PDGFRA: variants seen among roughly 807,000 people sequenced by gnomAD.
PDGFRA encodes platelet derived growth factor receptor alpha.
A neutral mutation model predicts 121.5 loss-of-function variants in PDGFRA; 25 were observed. The ratio of observed to expected loss-of-function variants is 0.21; its 90% CI spans 0.15 to 0.29. The LOEUF is 0.29. Among genes scored for constraint, PDGFRA ranks in the 10% least tolerant of loss-of-function variants. PDGFRA has a pLI of 1.00. For missense variants in PDGFRA, 1,008 were observed against 1,345.1 expected, an observed-to-expected ratio of 0.75 and a Z score of 3.92; for synonymous variants, 463 against 494.8, an observed-to-expected ratio of 0.94 and a Z score of 0.85.
In PDGFRA at chr4:54,277,875, T is replaced by C. The variant is rs369052620; in HGVS notation, c.1892-21T>C. The C allele has an allele frequency of 5.9e-6, 9 of 1,518,772 alleles. No homozygotes were observed. In the Admixed American group the frequency reaches 8.4e-5, roughly 14 times the overall value. 94.1% of individuals were successfully genotyped at this position (1,518,772 alleles called of 1,614,324 possible). ...AGTTGGTAGCTCAGCTGGACTGATA[T>C]GTGATTTATTCTTTCAACAGCCACG... On this transcript the variant is annotated intron_variant, in intron 13 of 22. Coordinates refer to ENST00000257290, the MANE Select transcript of PDGFRA (RefSeq NM_006206.6).
At chr4:54,251,451 A>G (rs1045544734) in intron 1 of PDGFRA, among the ~76,000 whole-genome samples, 3 of 152,212 alleles carry the variant, frequency 2.0e-5, no homozygotes, top group African/African-American at 4.8e-5. Context: ...AACTAATAGC[A>G]ATATAGTTAT....
chr4:54,280,621 A>G lies in PDGFRA; in HGVS notation c.2323+139A>G, dbSNP rs1484767156. The G allele has an allele frequency of 7.2e-6, 5 of 692,182 alleles. No individual in the cohort carries two copies. In the East Asian group the frequency reaches 1.4e-4, roughly 19 times the overall value. The allele number at this position is 692,182 out of a possible 1,614,324, so 42.9% of individuals were successfully genotyped here. A position where few individuals can be genotyped will look rare whatever the true frequency, so the allele number is the denominator to read the frequency against. ...TGGTCTCTAAATGCAGGTCTGCACA[A>G]CCAGTTCTGTGACATGTTTCCAGGT... On this transcript the variant is annotated intron_variant, in intron 16 of 22. Transcript: ENST00000257290.
intron 1 of PDGFRA, among the ~76,000 whole-genome samples, chr4:54,232,069 G>C (rs1438685613): frequency 6.6e-6 from 1 of 152,256 alleles, no homozygotes; most frequent in Non-Finnish European, 1.5e-5. Flanking sequence ...CCACAGGGAA[G>C]TACTCCCTTT....
intron 16 of PDGFRA, among the ~76,000 whole-genome samples, chr4:54,282,799 A>G (rs1204024181): frequency 6.6e-6 from 1 of 152,216 alleles, no homozygotes; most frequent in Non-Finnish European, 1.5e-5. Context: ...AGAACAAGTT[A>G]TTTACTTTCA....
At chr4:54,245,228 A>T (rs959624187) in intron 1 of PDGFRA, among the ~76,000 whole-genome samples, 9 of 152,164 alleles carry the variant, frequency 5.9e-5, no homozygotes, top group Admixed American at 1.3e-4. Flanking sequence ...CGCCACAAAG[A>T]TACTCCTCGA....
chr4:54,234,390 T>C (rs913220590), intron 1 of PDGFRA, among the ~76,000 whole-genome samples: 5 of 152,238 alleles, frequency 3.3e-5, no homozygotes, highest in African/African-American at 9.6e-5. Flanking sequence ...GGCGTCTGTG[T>C]CGCAACCCGT....
At chr4:54,293,907 T>TTGTGTGTGTG (rs71200381) in intron 22 of PDGFRA, among the ~76,000 whole-genome samples, 6,217 of 142,454 alleles carry the variant, frequency 0.044, 192 homozygotes, top group African/African-American at 0.069. Flanking sequence ...TCCAAGTTGC[T>TTGTGTGTGTG]TGTGTGTGTG....
At chr4:54,273,469 C>A in intron 9 of PDGFRA, 68 bp from the exon 10 acceptor site, 1 of 1,239,100 alleles carries the variant, frequency 8.1e-7, no homozygotes, top group Non-Finnish European at 1.2e-6. Context: ...TTAGAGTGTT[C>A]CCGTGGCTCC....
chr4:54,267,131 TG>T (rs1238783801), intron 5 of PDGFRA, among the ~76,000 whole-genome samples, 157 bp from the exon 6 acceptor site: 1 of 152,146 alleles, frequency 6.6e-6, no homozygotes, highest in Non-Finnish European at 1.5e-5. Flanking sequence ...CCCACACATG[TG>T]TAGCCTCCCA....
intron 2 of PDGFRA, 22 bp from the exon 3 acceptor site, chr4:54,261,073 C>G (rs1274871972): frequency 1.9e-6 from 3 of 1,609,082 alleles, no homozygotes; most frequent in Non-Finnish European, 2.6e-6. Flanking sequence ...GCATCCTATT[C>G]AGAGCGTGCT....
At chr4:54,293,907 TTGTGTG>T (rs71200381) in intron 22 of PDGFRA, among the ~76,000 whole-genome samples, 179 of 142,558 alleles carry the variant, frequency 1.3e-3, no homozygotes, top group African/African-American at 3.1e-3. Context: ...TCCAAGTTGC[TTGTGTG>T]TGTGTGTGTG....
intron 5 of PDGFRA, among the ~76,000 whole-genome samples, chr4:54,265,823 AG>A (rs1182708825): frequency 1.3e-5 from 2 of 152,212 alleles, no homozygotes; most frequent in Admixed American, 1.3e-4. Context: ...ATTCTTATGG[AG>A]AACAAAAACG....
chr4:54,240,746 C>T (rs1279128459), intron 1 of PDGFRA, among the ~76,000 whole-genome samples: 2 of 152,108 alleles, frequency 1.3e-5, no homozygotes, highest in Non-Finnish European at 2.9e-5. Context: ...CACTAGGGTG[C>T]CTTTTAGGCA....
chr4:54,274,816 A>C (rs747220546), intron 11 of PDGFRA, 25 bp from the exon 12 acceptor site: 5 of 1,613,958 alleles, frequency 3.1e-6, no homozygotes, highest in Non-Finnish European at 4.2e-6. Context: ...GTAATTCACC[A>C]GTTACCTGTC....
rs1440737990 is a variant in PDGFRA, at chr4:54,245,602, C to A, written c.-12-13155C>A. On this transcript the variant is annotated intron_variant, in intron 1 of 22. Coordinates refer to ENST00000257290, the MANE Select transcript of PDGFRA (RefSeq NM_006206.6). The stretch of plus-strand genomic sequence containing the variant: ...AAGGAACAACCGGTACCAGCCACTG[C>A]AAAATCATGCCAAATTGTAAAGACC... 5.3e-5 allele frequency among the ~76,000 whole-genome samples: 8 copies of A among 152,186 alleles called. No homozygotes were observed. In the East Asian group the frequency reaches 1.2e-3, roughly 22 times the overall value.
Position 54,252,410 on chromosome 4 carries a change from CT to C in PDGFRA, c.-12-6343del, listed in dbSNP as rs199763098. 7.6e-3 allele frequency among the ~76,000 whole-genome samples: 1,154 copies of C among 152,236 alleles called. 17 individuals are homozygous for C. The highest frequency in any genetic ancestry group is 0.026 in the African/African-American group (1,091 of 41,544). On this transcript the variant is annotated intron_variant, in intron 1 of 22. Transcript: ENST00000257290. ...CACTTATTAATCTTCCAGATTTCAC[CT>C]TTTGTCAGAACTCAGAGTTATGATT...
rs1171641135 is a variant in PDGFRA, at chr4:54,280,444, A to G, written c.2285A>G (p.Tyr762Cys). The change falls in exon 16 of 23, where the codon TAT becomes TGT. Residue 762 changes from tyrosine (Y) to cysteine (C), a missense_variant. By Grantham distance (194) the Tyr-to-Cys change is radical. This residue lies in a region of PDGFRA where 128 missense variants were observed against 147.6 expected (regional missense o/e 0.87). Coordinates refer to ENST00000257290, the MANE Select transcript of PDGFRA (RefSeq NM_006206.6). ...SKYSDIQRSL[Y>C]DRPASYKKKS... ...TATTCCGACATCCAGAGATCACTCT[A>G]TGATCGTCCAGCCTCATATAAGAAG... The G allele has an allele frequency of 9.3e-6, 15 of 1,613,742 alleles. No homozygotes were observed. Among genetic ancestry groups the G allele is most frequent in the East Asian group, 2.2e-5 (1 of 44,870 alleles).
intron 5 of PDGFRA, 67 bp from the exon 6 acceptor site, chr4:54,267,222 T>G: frequency 7.0e-7 from 1 of 1,436,966 alleles, no homozygotes; most frequent in Non-Finnish European, 9.8e-7. Context: ...GAGTCCATAG[T>G]TTATCTTAGA....
chr4:54,287,489 A>C lies in PDGFRA; in HGVS notation c.2622A>C (p.Thr874=). 1 of 1,572,216 alleles carries C rather than the reference A, an allele frequency of 6.4e-7. No homozygotes were observed. Among genetic ancestry groups the C allele is most frequent in the Non-Finnish European group, 8.8e-7 (1 of 1,141,874 alleles). The change falls in exon 19 of 23, where the codon ACA becomes ACC. Residue 874 remains threonine (T), a synonymous_variant. Coordinates refer to ENST00000257290, the MANE Select transcript of PDGFRA (RefSeq NM_006206.6). ...PESIFDNLYT[T]LSDVWSYGIL... is the part of the protein sequence containing the mutation. ...GCATCTTTGACAACCTCTACACCAC[A>C]CTGAGTGATGTCTGGTCTTATGGCA...
Sources: gnomAD v4.1 joint callset for allele counts (sites outside exome capture counted in the v4.1 genomes callset) on GRCh38, gnomAD v4.1.1 for gene constraint, gnomAD v4.1.1 regional missense constraint, MANE v1.5 for transcripts, NCBI Gene and HGNC (gene_info 2026-07-23, HGNC 2026-07-21) for gene names.